RTN4: variants seen among roughly 807,000 people sequenced by gnomAD.
The protein encoded by RTN4 is reticulon-4.
Under a neutral mutation model 90.4 loss-of-function variants are expected in RTN4, and 32 were observed. The observed-to-expected ratio is 0.35, with a 90% CI of 0.27 to 0.48. The LOEUF (loss-of-function observed/expected upper bound fraction) is 0.48. Among genes scored for constraint, RTN4 ranks in the 20% least tolerant of loss-of-function variants. The pLI is 0.99. For synonymous variants in RTN4, 629 were observed against 552.5 expected (o/e 1.14, Z -1.94); for missense variants, 1,706 against 1,430.2 (o/e 1.19, Z -3.11).
chr2:55,039,561 C>A (rs750031817), intron 1 of RTN4, among the ~76,000 whole-genome samples: 11 of 152,274 alleles, frequency 7.2e-5, no homozygotes, highest in Non-Finnish European at 1.3e-4. Context: ...AGGTGAATCA[C>A]CTGAGGTCAG....
chr2:55,026,688 C>T lies in RTN4; in HGVS notation c.1411G>A (p.Ala471Thr), dbSNP rs1417011389. Residue 471 changes from alanine (A) to threonine (T), a missense_variant, in exon 3 of 9, where the codon GCA (alanine) becomes ACA (threonine). Physicochemically the swap from Ala to Thr is moderately conservative, Grantham distance 58. Coordinates refer to ENST00000337526, the MANE Select transcript of RTN4 (RefSeq NM_020532.5). Reference sequence around the variant, plus strand: ...ATGTTTGTTGCAATGCTCTCAGTTGCTGCTGGGTTAAAGGGAGCACATGTG... The same window carrying T: ...ATGTTTGTTGCAATGCTCTCAGTTGTTGCTGGGTTAAAGGGAGCACATGTG... ...YITCAPFNPAATESIATNIFP... is the reference protein window; with the variant it reads ...YITCAPFNPATTESIATNIFP... 6.2e-7 allele frequency: 1 copy of T among 1,613,706 alleles called. No homozygotes were observed. Among genetic ancestry groups the T allele is most frequent in the Non-Finnish European group, 8.5e-7 (1 of 1,179,888 alleles).
chr2:55,070,748 T>TTTTTTGTTG (rs1553450017), intron 2 of RTN4, among the ~76,000 whole-genome samples: 2 of 149,416 alleles, frequency 1.3e-5, no homozygotes, highest in Admixed American at 1.3e-4. Context: ...TGTTTTGATT[T>TTTTTTGTTG]TTGTTGTTGT....
chr2:55,132,225 A>G, the RTN4 span, among the ~76,000 whole-genome samples: 1 of 152,134 alleles, frequency 6.6e-6, no homozygotes, highest in Admixed American at 6.5e-5. Context: ...CTTTTCGGCC[A>G]GGCGCAGTGG....
At chr2:55,005,187 G>A (rs1228795886) in intron 3 of RTN4, among the ~76,000 whole-genome samples, 2 of 152,134 alleles carry the variant, frequency 1.3e-5, no homozygotes, top group Non-Finnish European at 2.9e-5. Flanking sequence ...GTAAGTAAAG[G>A]AAAATCCCTT....
At chr2:55,077,290 G>A (rs963196169) in intron 2 of RTN4, among the ~76,000 whole-genome samples, 1 of 152,142 alleles carries the variant, frequency 6.6e-6, no homozygotes, top group Non-Finnish European at 1.5e-5. Context: ...TGGGATTACA[G>A]GCGTGAGCCA....
chr2:55,046,045 A>T (rs13400353), intron 1 of RTN4, among the ~76,000 whole-genome samples: 22,152 of 152,166 alleles, frequency 0.15, 2,838 homozygotes, highest in African/African-American at 0.35. Context: ...GCAAACAGTA[A>T]AATTACAACT....
intron 3 of RTN4, among the ~76,000 whole-genome samples, chr2:55,013,263 G>C (rs1024564664): frequency 7.2e-5 from 11 of 151,966 alleles, no homozygotes; most frequent in African/African-American, 7.3e-5. Context: ...CAGAACTTTT[G>C]AAATAAACTG....
At position 55,085,789 on chromosome 2, in the gene RTN4, C is replaced by T. The variant is rs1288432298; in HGVS notation, c.-213-5150G>A. Among the ~76,000 whole-genome samples, 4 of 152,306 alleles carry T rather than the reference C, an allele frequency of 2.6e-5. No homozygotes were observed. In the East Asian group the frequency reaches 7.7e-4, roughly 29 times the overall value. ...GATAAACATTATTGAAGGCCTGGCC[C>T]CTTTCTAACGTTAGGCCCATTATGA... On this transcript the variant is annotated intron_variant, in intron 1 of 3. Coordinates refer to the RTN4 transcript ENST00000427710.
At chr2:55,077,928 C>G (rs2968824) in intron 2 of RTN4, among the ~76,000 whole-genome samples, 3 of 151,950 alleles carry the variant, frequency 2.0e-5, no homozygotes, top group Non-Finnish European at 4.4e-5. Context: ...AGACATTGTA[C>G]GTTCTCACTC....
chr2:55,125,775 A>T, the RTN4 span, among the ~76,000 whole-genome samples: 720 of 152,214 alleles, frequency 4.7e-3, 11 homozygotes, highest in African/African-American at 0.017. Flanking sequence ...CAAAAATTTT[A>T]AAAAAGCCAG....
intron 3 of RTN4, among the ~76,000 whole-genome samples, chr2:54,988,986 AAATATGG>A (rs1678797467): frequency 6.6e-6 from 1 of 152,242 alleles, no homozygotes; most frequent in Non-Finnish European, 1.5e-5. Flanking sequence ...AATTTATAGT[AAATATGG>A]ATATACTCTT....
Position 55,025,855 on chromosome 2 carries a change from A to G in RTN4, c.2244T>C (p.Phe748=). 2 of 1,613,770 alleles carry G rather than the reference A, an allele frequency of 1.2e-6. No individual in the cohort carries two copies. Among genetic ancestry groups the G allele is most frequent in the Non-Finnish European group, 8.5e-7 (1 of 1,179,832 alleles). ...SSPDSEPVDL[F]SDDSIPDVPQ... is the part of the protein sequence containing the mutation. Reference sequence around the variant, plus strand: ...GAACGTCAGGTATTGAATCATCACTAAATAAGTCAACTGGTTCAGAATCAG... The same window carrying G: ...GAACGTCAGGTATTGAATCATCACTGAATAAGTCAACTGGTTCAGAATCAG... The change falls in exon 3 of 9, where the codon TTT becomes TTC. Residue 748 remains phenylalanine (F), a synonymous_variant. Transcript: ENST00000337526.
intron 1 of RTN4, among the ~76,000 whole-genome samples, chr2:55,093,881 G>T (rs757996981): frequency 8.5e-5 from 13 of 152,050 alleles, no homozygotes; most frequent in Non-Finnish European, 1.5e-4. Flanking sequence ...AAATAGAATT[G>T]GGAAAGGAAT....
chr2:55,114,132 C>A (rs1383622846), upstream of RTN4, among the ~76,000 whole-genome samples: 1 of 152,196 alleles, frequency 6.6e-6, no homozygotes, highest in Non-Finnish European at 1.5e-5. Flanking sequence ...TTTTTCCAGT[C>A]AGCAGTTTGG....
chr2:55,033,302 C>T (rs534674900), intron 1 of RTN4, among the ~76,000 whole-genome samples: 5 of 152,202 alleles, frequency 3.3e-5, no homozygotes, highest in Admixed American at 6.5e-5. Flanking sequence ...AGGTAATGAA[C>T]GCCTTTAAAG....
rs751877896 is a variant in RTN4, at chr2:55,050,250, G to T, written c.51C>A (p.Pro17=). ...SPLVSSSDSP[P]RPQPAFKYQF... is the part of the protein sequence containing the mutation. The stretch of plus-strand genomic sequence containing the variant: ...GGTACTTGAACGCGGGCTGCGGCCG[G>T]GGTGGGCTGTCCGAGGACGAGACCA... Residue 17 remains proline, a synonymous_variant, in exon 1 of 9, where the codon CCC becomes CCA. Transcript: ENST00000337526. The surrounding 1 kb of genome is among the most constrained non-coding windows in gnomAD (Gnocchi z 4.6). The T allele has an allele frequency of 1.3e-6, 2 of 1,539,844 alleles. No individual in the cohort carries two copies. The highest frequency in any genetic ancestry group is 1.7e-6 in the Non-Finnish European group (2 of 1,144,476).
At position 55,010,194 on chromosome 2, in the gene RTN4, C is replaced by CCTA. The variant is rs1285475610; in HGVS notation, c.3013+14889_3013+14891dup. 21 of 1,606,032 alleles carry CCTA rather than the reference C, an allele frequency of 1.3e-5. No homozygotes were observed. In the East Asian group the frequency reaches 4.5e-4, roughly 34 times the overall value. ...AACAGAAAAGCTGTAACTGCACAAACCTACTCCCTGAGACATGAAATACCC... is the reference window on the plus strand; with the variant it reads ...AACAGAAAAGCTGTAACTGCACAAACCTACTACTCCCTGAGACATGAAATACCC... On this transcript the variant is annotated intron_variant, in intron 3 of 8. Coordinates refer to ENST00000337526, the MANE Select transcript of RTN4 (RefSeq NM_020532.5).
chr2:55,009,183 T>G (rs1439696894), intron 3 of RTN4, among the ~76,000 whole-genome samples: 1 of 152,158 alleles, frequency 6.6e-6, no homozygotes, highest in African/African-American at 2.4e-5. Context: ...TAATTTTTTT[T>G]AATTATAAAA....
Position 55,050,337 on chromosome 2 carries a change from C to T in RTN4, c.-37G>A. On this transcript the variant is annotated 5_prime_UTR_variant, in exon 1 of 9. Transcript: ENST00000337526. The surrounding 1 kb of genome is among the most constrained non-coding windows in gnomAD (Gnocchi z 4.6). ...GGAGATGATGCTGCAGCTGCTGCCGCCGCCGCCGGGGCCGCGTCTCAGAGC... is the reference window on the plus strand; with the variant it reads ...GGAGATGATGCTGCAGCTGCTGCCGTCGCCGCCGGGGCCGCGTCTCAGAGC... 3 of 1,327,502 alleles carry T rather than the reference C, an allele frequency of 2.3e-6. No individual in the cohort carries two copies. The highest frequency in any genetic ancestry group is 2.0e-6 in the Non-Finnish European group (2 of 1,024,610). 82.2% of individuals were successfully genotyped at this position (1,327,502 alleles called of 1,614,324 possible).
Sources: gnomAD v4.1 joint callset for allele counts (sites outside exome capture counted in the v4.1 genomes callset) on GRCh38, gnomAD v4.1.1 for gene constraint, Gnocchi (gnomAD v3.1) non-coding constraint, MANE v1.5 for transcripts, NCBI Gene and HGNC (gene_info 2026-07-23, HGNC 2026-07-21) for gene names.